The following CLSTN2 variants were observed in gnomAD, a reference collection of about 807,000 sequenced individuals.
CLSTN2 encodes the protein calsyntenin 2, also known as calsyntenin-2.
Under a neutral mutation model 101.2 loss-of-function variants are expected in CLSTN2, and 48 were observed. The observed-to-expected ratio is 0.47, with a 90% CI of 0.38 to 0.60. The LOEUF (loss-of-function observed/expected upper bound fraction) is 0.60. CLSTN2 is among the 20% of genes least tolerant of loss of function. The pLI is 0.00. For synonymous variants in CLSTN2, 481 were observed against 463.6 expected (o/e 1.04, Z -0.48); for missense variants, 1,160 against 1,238.2 (o/e 0.94, Z 0.95).
intron 2 of CLSTN2, among the ~76,000 whole-genome samples, chr3:140,362,158 C>T (rs1192365666): frequency 6.6e-6 from 1 of 152,022 alleles, no homozygotes; most frequent in Admixed American, 6.6e-5. Context: ...TACAAATAAA[C>T]CCTTAAACTT....
At chr3:139,938,895 C>A (rs1429395271) in intron 1 of CLSTN2, among the ~76,000 whole-genome samples, 2 of 152,050 alleles carry the variant, frequency 1.3e-5, no homozygotes, top group African/African-American at 4.8e-5. Flanking sequence ...TGGTTCTGAG[C>A]CAGTAGCAGA....
At chr3:140,082,164 C>A (rs974410784) in intron 1 of CLSTN2, among the ~76,000 whole-genome samples, 1 of 152,178 alleles carries the variant, frequency 6.6e-6, no homozygotes, top group African/African-American at 2.4e-5. Flanking sequence ...GTTCTGTCCC[C>A]TAGAGCAGGA....
chr3:140,063,088 T>A (rs1444378464), intron 1 of CLSTN2, among the ~76,000 whole-genome samples: 1 of 152,164 alleles, frequency 6.6e-6, no homozygotes, highest in Non-Finnish European at 1.5e-5. Context: ...TTAATGTAAA[T>A]GACATTTTGA....
At chr3:140,328,908 A>G (rs1298253602) in intron 2 of CLSTN2, among the ~76,000 whole-genome samples, 1 of 152,178 alleles carries the variant, frequency 6.6e-6, no homozygotes, top group Non-Finnish European at 1.5e-5. Context: ...GCATTTTCTA[A>G]TGATGTGAGT....
chr3:140,014,725 T>C (rs2007163254), intron 1 of CLSTN2, among the ~76,000 whole-genome samples: 1 of 151,740 alleles, frequency 6.6e-6, no homozygotes, highest in African/African-American at 2.4e-5. Context: ...GAGTGAGGAA[T>C]AGGGAGAGGA....
At chr3:140,055,178 T>G (rs2008075934) in intron 1 of CLSTN2, among the ~76,000 whole-genome samples, 1 of 152,224 alleles carries the variant, frequency 6.6e-6, no homozygotes, top group African/African-American at 2.4e-5. Flanking sequence ...ACCTGCTGCT[T>G]CCTATCTAAG....
intron 1 of CLSTN2, among the ~76,000 whole-genome samples, chr3:140,013,237 G>C (rs1576396748): frequency 1.3e-5 from 2 of 152,366 alleles, no homozygotes; most frequent in East Asian, 3.9e-4. Context: ...ACATGCCAGA[G>C]AGCCTTGTTG....
At chr3:139,997,047 CAA>C (rs369329154) in intron 1 of CLSTN2, among the ~76,000 whole-genome samples, 4 of 85,008 alleles carry the variant, frequency 4.7e-5, no homozygotes, top group Admixed American at 1.3e-4. Flanking sequence ...GACTCTGTCT[CAA>C]AAAAAAAAAA....
At chr3:139,982,785 A>G (rs1027433747) in intron 1 of CLSTN2, among the ~76,000 whole-genome samples, 3 of 152,350 alleles carry the variant, frequency 2.0e-5, no homozygotes, top group South Asian at 2.1e-4. Context: ...TTATAGACTC[A>G]ATAAAACTAG....
intron 1 of CLSTN2, among the ~76,000 whole-genome samples, chr3:140,061,900 G>A (rs566747325): frequency 4.9e-4 from 75 of 152,290 alleles, no homozygotes; most frequent in African/African-American, 1.6e-3. Context: ...GCCTGTGCTC[G>A]CTTCTCCTGA....
intron 8 of CLSTN2, among the ~76,000 whole-genome samples, chr3:140,468,673 C>G (rs933964878): frequency 6.6e-6 from 1 of 152,228 alleles, no homozygotes; most frequent in Non-Finnish European, 1.5e-5. Flanking sequence ...TGCGCAAGGT[C>G]ACACAGCAAA....
intron 2 of CLSTN2, among the ~76,000 whole-genome samples, chr3:140,210,825 G>A (rs750435397): frequency 3.3e-5 from 5 of 152,136 alleles, no homozygotes; most frequent in Middle Eastern, 6.8e-3. Flanking sequence ...CTCTTGAGGT[G>A]GGATTTGGAT....
intron 2 of CLSTN2, among the ~76,000 whole-genome samples, chr3:140,277,232 A>G (rs61688277): frequency 0.023 from 3,560 of 152,258 alleles, 125 homozygotes; most frequent in African/African-American, 0.081. Flanking sequence ...TAACCATTTC[A>G]TTGTCTGTGG....
chr3:140,365,427 T>C (rs1304814806), intron 2 of CLSTN2, among the ~76,000 whole-genome samples: 2 of 152,146 alleles, frequency 1.3e-5, no homozygotes, highest in African/African-American at 4.8e-5. Flanking sequence ...GAATTCTTAG[T>C]ATCTTCAAAA....
chr3:140,395,872 A>C (rs1335324772), intron 2 of CLSTN2, among the ~76,000 whole-genome samples: 1 of 152,140 alleles, frequency 6.6e-6, no homozygotes, highest in Non-Finnish European at 1.5e-5. Context: ...ACTAGAGAGG[A>C]CAGTGTGCAG....
chr3:140,413,755 A>T (rs1175551021), intron 4 of CLSTN2, among the ~76,000 whole-genome samples: 1 of 152,216 alleles, frequency 6.6e-6, no homozygotes, highest in Non-Finnish European at 1.5e-5. Context: ...AACATACACA[A>T]ATCAGTAAAT....
chr3:140,052,769 G>T (rs1476152198), intron 1 of CLSTN2, among the ~76,000 whole-genome samples: 1 of 152,146 alleles, frequency 6.6e-6, no homozygotes, highest in Admixed American at 6.5e-5. Flanking sequence ...TTTTGACATG[G>T]GCTCTGGAGC....
chr3:140,026,662 AG>A (rs2007428832), intron 1 of CLSTN2, among the ~76,000 whole-genome samples: 1 of 152,242 alleles, frequency 6.6e-6, no homozygotes, highest in Non-Finnish European at 1.5e-5. Context: ...GTGACCTTCC[AG>A]GCTGAATGGC....
At chr3:140,558,304 C>T (rs1259223663) in intron 11 of CLSTN2, among the ~76,000 whole-genome samples, 2 of 152,186 alleles carry the variant, frequency 1.3e-5, no homozygotes, top group Non-Finnish European at 2.9e-5. Context: ...CAACAATTTG[C>T]TTACCAAATA....
Sources: allele counts gnomAD v4.1 joint callset (sites outside exome capture counted in the v4.1 genomes callset), GRCh38; gene constraint gnomAD v4.1.1; transcripts MANE v1.5; gene names NCBI Gene and HGNC (gene_info 2026-07-23, HGNC 2026-07-21).